Variants in RPTOR observed in about 807,000 individuals in gnomAD.
RPTOR encodes the protein regulatory-associated protein of mTOR.
In RPTOR, 21 loss-of-function variants were observed where a neutral mutation model predicts 169.9. The observed-to-expected ratio is 0.12, with a 90% confidence interval of 0.09 to 0.18. The LOEUF is 0.18. Ranked by LOEUF, RPTOR falls within the 10% of genes least tolerant of loss-of-function variation. RPTOR has a pLI of 1.00. For synonymous variants in RPTOR, 732 were observed against 753.2 expected (o/e 0.97, Z 0.46); for missense variants, 1,133 against 1,855.9 (o/e 0.61, Z 7.16).
At chr17:80,836,949 T>C (rs2067570472) in intron 9 of RPTOR, among the ~76,000 whole-genome samples, 2 of 151,822 alleles carry the variant, frequency 1.3e-5, no homozygotes, top group South Asian at 2.1e-4. Context: ...TTAAATAGCG[T>C]CTGGGGGTGT....
intron 11 of RPTOR, among the ~76,000 whole-genome samples, chr17:80,852,129 T>C (rs756689856): frequency 1.3e-5 from 2 of 152,200 alleles, no homozygotes; most frequent in Non-Finnish European, 2.9e-5. Context: ...ACTATGATGC[T>C]GACTTTACAT....
intron 28 of RPTOR, among the ~76,000 whole-genome samples, 172 bp downstream of exon 28, chr17:80,949,719 A>G (rs2069149802): frequency 1.3e-5 from 2 of 152,192 alleles, no homozygotes. Context: ...TGAGAGCCCC[A>G]GGTCCCTGAG....
intron 6 of RPTOR, among the ~76,000 whole-genome samples, chr17:80,764,826 G>A (rs1416402940): frequency 6.6e-6 from 1 of 152,122 alleles, no homozygotes; most frequent in Non-Finnish European, 1.5e-5. Flanking sequence ...AGCACCTGTT[G>A]TTTCCTGACT....
intron 1 of RPTOR, among the ~76,000 whole-genome samples, chr17:80,589,604 T>C (rs778540468): frequency 5.3e-5 from 8 of 152,232 alleles, no homozygotes; most frequent in Admixed American, 1.3e-4. Flanking sequence ...CATGTAGAAG[T>C]TTTTCACATC....
intron 6 of RPTOR, among the ~76,000 whole-genome samples, chr17:80,762,234 C>T (rs2066743441): frequency 6.6e-6 from 1 of 152,248 alleles, no homozygotes; most frequent in African/African-American, 2.4e-5. Flanking sequence ...GGGGCACGGG[C>T]TGCTGACTCC....
intron 4 of RPTOR, among the ~76,000 whole-genome samples, chr17:80,710,785 T>A (rs926743336): frequency 6.6e-6 from 1 of 152,226 alleles, no homozygotes; most frequent in Non-Finnish European, 1.5e-5. Context: ...ATATTAAATC[T>A]GTGTTCGTGA....
intron 24 of RPTOR, among the ~76,000 whole-genome samples, chr17:80,930,132 G>A (rs1057098353): frequency 8.5e-5 from 1 of 11,770 alleles, no homozygotes; most frequent in Non-Finnish European, 1.8e-4. Context: ...ATCCCCAGCT[G>A]CTCCTCAGCT....
At position 80,545,565 on chromosome 17, in the gene RPTOR, A is replaced by G. The variant is rs2084263838; in HGVS notation, c.-65A>G. 1 of 1,233,298 alleles carries G rather than the reference A, an allele frequency of 8.1e-7. No individual in the cohort carries two copies. Among genetic ancestry groups the G allele is most frequent in the Non-Finnish European group, 1.1e-6 (1 of 871,384 alleles). 76.4% of individuals were successfully genotyped at this position (1,233,298 alleles called of 1,614,324 possible). On this transcript the variant is annotated 5_prime_UTR_variant, in exon 1 of 34. Coordinates refer to ENST00000306801, the MANE Select transcript of RPTOR (RefSeq NM_020761.3). The stretch of plus-strand genomic sequence containing the variant: ...TATTTCACCAATTCTGGTACACGCT[A>G]GTTTTTAAGGCTGGAGGTTCTCGAG...
chr17:80,605,844 C>T lies in RPTOR; in HGVS notation c.163-19847C>T, dbSNP rs911945003. ...CAGTAAGAGGGAGCTCTGAGTCAGA[C>T]GGAGGGTGGATTTGCTCTTTGGGCA... On this transcript the variant is annotated intron_variant, in intron 1 of 33. Transcript: ENST00000306801. Among the ~76,000 whole-genome samples, 11 of 152,126 alleles carry T rather than the reference C, an allele frequency of 7.2e-5. No individual in the cohort carries two copies. The South Asian group carries it at 8.3e-4, about 11-fold the overall frequency.
In RPTOR at chr17:80,692,965, G is replaced by A. The variant is rs150911488; in HGVS notation, c.349-14876G>A. Among the ~76,000 whole-genome samples the A allele has an allele frequency of 9.5e-4, 144 of 152,302 alleles. 1 individual carries two copies. The East Asian group carries it at 0.021, about 23-fold the overall frequency. ...GTACCACATGTGATGACACGTATGC[G>A]TAACCTTGGGTACATTTATATACGC... On this transcript the variant is annotated intron_variant, in intron 3 of 33. Transcript: ENST00000306801.
chr17:80,733,464 ACT>A (rs1268721586), intron 5 of RPTOR, among the ~76,000 whole-genome samples: 3 of 152,116 alleles, frequency 2.0e-5, no homozygotes, highest in African/African-American at 7.2e-5. Context: ...CTCTGCTGAG[ACT>A]CTATGACCAA....
At chr17:80,709,392 C>T (rs1274681089) in intron 4 of RPTOR, among the ~76,000 whole-genome samples, 1 of 152,234 alleles carries the variant, frequency 6.6e-6, no homozygotes, top group Non-Finnish European at 1.5e-5. Context: ...CCTGGCTCTC[C>T]TCTGTGGAGC....
At chr17:80,912,073 A>G (rs930536807) in intron 21 of RPTOR, among the ~76,000 whole-genome samples, 5 of 152,242 alleles carry the variant, frequency 3.3e-5, no homozygotes, top group Non-Finnish European at 7.3e-5. Context: ...TAGACTCTAA[A>G]TAGCCTCTAC....
intron 7 of RPTOR, among the ~76,000 whole-genome samples, chr17:80,792,305 G>T (rs977140326): frequency 2.6e-5 from 4 of 152,008 alleles, no homozygotes; most frequent in Admixed American, 2.0e-4. Context: ...TTAATATTAG[G>T]GCCTGAATTT....
intron 1 of RPTOR, among the ~76,000 whole-genome samples, chr17:80,555,594 C>G (rs144779195): frequency 6.6e-6 from 1 of 152,326 alleles, no homozygotes; most frequent in African/African-American, 2.4e-5. Context: ...GACACGGTAG[C>G]ACCAAATTAC....
intron 24 of RPTOR, among the ~76,000 whole-genome samples, chr17:80,930,484 G>GCTCATCCTCAGCTCATT (rs2068882643): frequency 1.7e-5 from 1 of 59,622 alleles, no homozygotes; most frequent in Non-Finnish European, 3.6e-5. Context: ...CTCATCCCCA[G>GCTCATCCTCAGCTCATT]CTCATCCCCA....
chr17:80,714,831 C>A (rs1209062371), intron 4 of RPTOR, among the ~76,000 whole-genome samples: 1 of 152,204 alleles, frequency 6.6e-6, no homozygotes, highest in Non-Finnish European at 1.5e-5. Context: ...TCAAGCAATT[C>A]CCCTGCCTCA....
At chr17:80,765,832 A>ACC (rs1239171362) in intron 6 of RPTOR, among the ~76,000 whole-genome samples, 2 of 152,196 alleles carry the variant, frequency 1.3e-5, no homozygotes, top group Non-Finnish European at 2.9e-5. Context: ...TAACGTGGTA[A>ACC]AGGCTACATC....
Position 80,960,773 on chromosome 17 carries a change from C to T in RPTOR, c.3605+568C>T, listed in dbSNP as rs1319385885. On this transcript the variant is annotated intron_variant, in intron 30 of 33. Transcript: ENST00000306801. This position sits in a 1 kb window ranked among gnomAD's most constrained non-coding sequence, Gnocchi z 4.8. The stretch of plus-strand genomic sequence containing the variant: ...AGCACCCCTGTGGGCAGGTGCTGTC[C>T]ATGTCTGGCAGGGGACAGGGCACAC... 2 of 161,832 alleles carry T rather than the reference C, an allele frequency of 1.2e-5. No individual in the cohort carries two copies. The highest frequency in any genetic ancestry group is 3.2e-4 in the East Asian group (2 of 6,338). The allele number at this position is 161,832 out of a possible 1,614,324, so 10.0% of individuals were successfully genotyped here.
Sources: gnomAD v4.1 joint callset for allele counts (sites outside exome capture counted in the v4.1 genomes callset) on GRCh38, gnomAD v4.1.1 for gene constraint, Gnocchi (gnomAD v3.1) non-coding constraint, MANE v1.5 for transcripts, NCBI Gene and HGNC (gene_info 2026-07-23, HGNC 2026-07-21) for gene names.